Variants in SCN1A observed in about 807,000 individuals in gnomAD.
SCN1A encodes the protein sodium channel protein type 1 subunit alpha.
SCN1A carries 13 observed loss-of-function variants against 193.7 expected under a neutral mutation model. That is an observed-to-expected ratio of 0.07 (90% CI 0.04 to 0.11). SCN1A has a LOEUF of 0.11. SCN1A is among the 10% of genes least tolerant of loss of function. The pLI is 1.00. For missense variants in SCN1A, 1,432 were observed against 2,451.1 expected, an observed-to-expected ratio of 0.58 and a Z score of 8.78; for synonymous variants, 781 against 843.6, an observed-to-expected ratio of 0.93 and a Z score of 1.29.
intron 5 of SCN1A, 113 bp from the exon 6 acceptor site, chr2:166,056,613 G>A (rs2105910492): frequency 1.3e-6 from 1 of 742,494 alleles, no homozygotes; most frequent in East Asian, 2.6e-5. Context: ...AGGGATAAAT[G>A]CATTGTGGGC....
chr2:166,102,225 G>C (rs1329796627), intron 2 of SCN1A, among the ~76,000 whole-genome samples: 1 of 152,116 alleles, frequency 6.6e-6, no homozygotes, highest in African/African-American at 2.4e-5. Flanking sequence ...GGCGGGGCGC[G>C]GTGACTCGCG....
At chr2:166,002,367 A>G (rs749074857) in intron 24 of SCN1A, 105 bp downstream of exon 24, 13 of 1,217,836 alleles carry the variant, frequency 1.1e-5, no homozygotes, top group Admixed American at 5.3e-5. Flanking sequence ...TTTTAAATAG[A>G]AAGAAATATA....
chr2:166,031,769 A>G (rs1695593923), intron 19 of SCN1A, among the ~76,000 whole-genome samples: 2 of 152,126 alleles, frequency 1.3e-5, no homozygotes, highest in African/African-American at 4.8e-5. Flanking sequence ...AGTACTTCAC[A>G]TTTATTATCT....
chr2:166,112,076 C>G (rs2106200007), intron 2 of SCN1A, among the ~76,000 whole-genome samples: 1 of 152,264 alleles, frequency 6.6e-6, no homozygotes, highest in Middle Eastern at 3.4e-3. Context: ...AAAGCAGTGG[C>G]AGGGCTTGAA....
chr2:166,040,730 G>A (rs546211230), intron 16 of SCN1A, among the ~76,000 whole-genome samples: 9 of 152,284 alleles, frequency 5.9e-5, no homozygotes, highest in Admixed American at 2.6e-4. Context: ...CACACAAAAT[G>A]TACTGGAAGT....
intron 9 of SCN1A, among the ~76,000 whole-genome samples, chr2:166,051,412 A>C (rs868202128): frequency 6.6e-6 from 1 of 152,080 alleles, no homozygotes; most frequent in African/African-American, 2.4e-5. Context: ...GTAATCATTT[A>C]AAAATATTTT....
rs1380322352 is a variant in SCN1A, at chr2:165,993,871, A to C, written c.4852+275T>G. On this transcript the variant is annotated intron_variant, in intron 28 of 28. Coordinates refer to ENST00000674923, the MANE Select transcript of SCN1A (RefSeq NM_001165963.4). ...GTTCTTCAATCTCAACATGTCAAAA[A>C]CATTTTTATTTTAGTTAATAGCACA... 1.6e-5 allele frequency: 8 copies of C among 497,754 alleles called. No individual in the cohort carries two copies. In the South Asian group the frequency reaches 2.7e-4, roughly 17 times the overall value. The allele number at this position is 497,754 out of a possible 1,614,324, so 30.8% of individuals were successfully genotyped here.
intron 1 of SCN1A, among the ~76,000 whole-genome samples, chr2:166,146,586 T>G (rs35466261): frequency 0.041 from 6,198 of 152,208 alleles, 711 homozygotes; most frequent in Admixed American, 0.24. Flanking sequence ...TTCCACAATG[T>G]CTGGGACAGA....
At chr2:166,080,592 A>G (rs1368635119) in intron 2 of SCN1A, among the ~76,000 whole-genome samples, 1 of 151,722 alleles carries the variant, frequency 6.6e-6, no homozygotes, top group African/African-American at 2.4e-5. Flanking sequence ...AAATACATTA[A>G]AAGTGGAATT....
chr2:166,006,455 AAGTT>A (rs1011656869), intron 23 of SCN1A, among the ~76,000 whole-genome samples: 3 of 151,370 alleles, frequency 2.0e-5, no homozygotes, highest in Admixed American at 6.6e-5. Flanking sequence ...AAATCCTAGA[AAGTT>A]AGTTGGGAGT....
chr2:166,101,252 C>T (rs530882884), intron 2 of SCN1A, among the ~76,000 whole-genome samples: 75 of 150,906 alleles, frequency 5.0e-4, no homozygotes, highest in East Asian at 1.8e-3. Flanking sequence ...TGTAAACTAT[C>T]GCAAGAACAA....
Position 165,994,075 on chromosome 2 carries a change from TGAATC to T in SCN1A, c.4852+66_4852+70del, listed in dbSNP as rs1188453172. The T allele has an allele frequency of 4.2e-6, 5 of 1,200,390 alleles. No homozygotes were observed. The African/African-American group carries it at 4.5e-5, about 11-fold the overall frequency. The allele number at this position is 1,200,390 out of a possible 1,614,324, so 74.4% of individuals were successfully genotyped here. A position where few individuals can be genotyped will look rare whatever the true frequency, so the allele number is the denominator to read the frequency against. On this transcript the variant is annotated intron_variant, in intron 28 of 28. Coordinates refer to ENST00000674923, the MANE Select transcript of SCN1A (RefSeq NM_001165963.4). ...TTATCTCTGATTGCTGGGATGATCT[TGAATC>T]TAATCTTGATTGTTTCAGCTTTCAC...
chr2:166,131,168 G>A (rs138134112), upstream of SCN1A, among the ~76,000 whole-genome samples: 11 of 152,132 alleles, frequency 7.2e-5, no homozygotes, highest in South Asian at 6.2e-4. Flanking sequence ...CTCTGCCCCC[G>A]TTGGTAAAGT....
In SCN1A at chr2:166,036,253, T is replaced by G; in HGVS notation, c.3224A>C (p.Tyr1075Ser). The G allele has an allele frequency of 6.2e-7, 1 of 1,613,940 alleles. No homozygotes were observed. The highest frequency in any genetic ancestry group is 8.5e-7 in the Non-Finnish European group (1 of 1,179,874). The change falls in exon 19 of 29, where the codon TAT (tyrosine) becomes TCT (serine). Residue 1075 changes from tyrosine to serine, a missense_variant. Tyr to Ser is a moderately radical substitution (Grantham distance 144). Around this residue, in one of 18 missense-constraint regions of SCN1A, gnomAD observed 198 missense variants for 225.8 expected, o/e 0.88. Coordinates refer to ENST00000674923, the MANE Select transcript of SCN1A (RefSeq NM_001165963.4). Reference sequence around the variant, plus strand: ...TGTAGTTCCATTTACATCTTTAAGATAGTCAAGATCTTTCCCAATTTCTGC... The same window carrying G: ...TGTAGTTCCATTTACATCTTTAAGAGAGTCAAGATCTTTCCCAATTTCTGC... Reference protein sequence around the residue: ...HTAEIGKDLDYLKDVNGTTSG... With the variant: ...HTAEIGKDLDSLKDVNGTTSG...
chr2:166,085,607 G>A (rs1686026149), intron 2 of SCN1A, among the ~76,000 whole-genome samples: 1 of 152,102 alleles, frequency 6.6e-6, no homozygotes, highest in Non-Finnish European at 1.5e-5. Flanking sequence ...AAACTGCAGG[G>A]GAAAGAGAAA....
At chr2:166,028,271 A>C (rs1284293725) in intron 19 of SCN1A, among the ~76,000 whole-genome samples, 1 of 152,186 alleles carries the variant, frequency 6.6e-6, no homozygotes, top group Non-Finnish European at 1.5e-5. Flanking sequence ...GAAAACAAAA[A>C]AATTCTGAAA....
At chr2:166,095,927 T>C (rs1687326836) in intron 2 of SCN1A, among the ~76,000 whole-genome samples, 2 of 152,214 alleles carry the variant, frequency 1.3e-5, no homozygotes, top group Admixed American at 1.3e-4. Flanking sequence ...TCATCATTAC[T>C]TACCTTGAAC....
upstream of SCN1A, among the ~76,000 whole-genome samples, chr2:166,129,636 A>T (rs1691566294): frequency 6.6e-6 from 1 of 152,196 alleles, no homozygotes. Context: ...GATTGCCAAG[A>T]TGTTAGAGAT....
intron 19 of SCN1A, among the ~76,000 whole-genome samples, chr2:166,019,106 T>C (rs970802564): frequency 3.3e-5 from 5 of 152,130 alleles, no homozygotes; most frequent in African/African-American, 1.2e-4. Context: ...TGTAAAACAT[T>C]AATGGCAAAG....
Sources: gnomAD v4.1 joint callset for allele counts (sites outside exome capture counted in the v4.1 genomes callset) on GRCh38, gnomAD v4.1.1 for gene constraint, gnomAD v4.1.1 regional missense constraint, MANE v1.5 for transcripts, NCBI Gene and HGNC (gene_info 2026-07-23, HGNC 2026-07-21) for gene names.